NXPE1: variants seen among roughly 807,000 people sequenced by gnomAD.
NXPE1 encodes the protein neurexophilin and PC-esterase domain family member 1, also known as NXPE family member 1.
A neutral mutation model predicts 33.3 loss-of-function variants in NXPE1; 31 were observed. The observed-to-expected ratio is 0.93, with a 90% CI of 0.70 to 1.26. The LOEUF is 1.26. NXPE1 is among the 50% of genes most tolerant of loss of function. NXPE1 has a pLI of 0.00. For missense variants in NXPE1, 661 were observed against 655.6 expected, an observed-to-expected ratio of 1.01 and a Z score of -0.09; for synonymous variants, 229 against 231.4, an observed-to-expected ratio of 0.99 and a Z score of 0.09.
chr11:114,537,182 G>C (rs181035903), intron 5 of NXPE1, among the ~76,000 whole-genome samples: 27 of 152,122 alleles, frequency 1.8e-4, no homozygotes, highest in South Asian at 8.3e-4. Context: ...ACAAAAACCA[G>C]ATGATTATCT....
intron 5 of NXPE1, among the ~76,000 whole-genome samples, chr11:114,548,864 T>C (rs957351451): frequency 6.6e-6 from 1 of 151,728 alleles, no homozygotes; most frequent in African/African-American, 2.4e-5. Context: ...AAACCTGGGT[T>C]TTATTTTGAA....
At chr11:114,544,915 A>G (rs1948221969) in intron 5 of NXPE1, among the ~76,000 whole-genome samples, 1 of 152,200 alleles carries the variant, frequency 6.6e-6, no homozygotes, top group Non-Finnish European at 1.5e-5. Context: ...ATCTGAATGG[A>G]CACCTCACCA....
intron 5 of NXPE1, among the ~76,000 whole-genome samples, chr11:114,538,598 C>T (rs567648212): frequency 3.9e-5 from 6 of 152,272 alleles, no homozygotes; most frequent in African/African-American, 1.4e-4. Flanking sequence ...AAACAAACAA[C>T]CCCATTAAAA....
Position 114,523,106 on chromosome 11 carries a change from A to G in NXPE1, c.896-15T>C, listed in dbSNP as rs781434001. 6.3e-7 allele frequency: 1 copy of G among 1,586,970 alleles called. No individual in the cohort carries two copies. The highest frequency in any genetic ancestry group is 8.6e-7 in the Non-Finnish European group (1 of 1,156,634). On this transcript the variant is annotated splice_polypyrimidine_tract_variant and intron_variant, in intron 7 of 8. Transcript: ENST00000534921. Reference sequence around the variant, plus strand: ...TTTTTCTCTCTCTGGTAACAAAGACACTCGTAAATGATTTTATTGGCAAAA... The same window carrying G: ...TTTTTCTCTCTCTGGTAACAAAGACGCTCGTAAATGATTTTATTGGCAAAA...
exon 9 of NXPE1, chr11:114,522,140 C>T (rs17852630): frequency 6.2e-7 from 1 of 1,613,926 alleles, no homozygotes; most frequent in Non-Finnish European, 8.5e-7. Flanking sequence ...ATGGAAGTCT[C>T]CAAACCTCTC....
intron 5 of NXPE1, among the ~76,000 whole-genome samples, chr11:114,531,240 T>C (rs1226869302): frequency 6.6e-6 from 1 of 152,206 alleles, no homozygotes; most frequent in Non-Finnish European, 1.5e-5. Flanking sequence ...ATCCAAAATA[T>C]ATAGCTCAGA....
intron 5 of NXPE1, among the ~76,000 whole-genome samples, chr11:114,538,305 T>A (rs1261257894): frequency 3.9e-5 from 6 of 152,188 alleles, no homozygotes; most frequent in South Asian, 2.1e-4. Context: ...CTTACATGTT[T>A]GACCTAAAAC....
intron 5 of NXPE1, among the ~76,000 whole-genome samples, chr11:114,535,633 C>A (rs1365881357): frequency 6.6e-6 from 1 of 152,098 alleles, no homozygotes; most frequent in East Asian, 1.9e-4. Flanking sequence ...GATTGCAATC[C>A]TAGTCTCGGA....
intron 5 of NXPE1, among the ~76,000 whole-genome samples, chr11:114,532,087 G>T (rs1220254264): frequency 6.6e-6 from 1 of 152,098 alleles, no homozygotes; most frequent in African/African-American, 2.4e-5. Flanking sequence ...TCACACTTTA[G>T]AACACATATA....
chr11:114,528,798 G>T, intron 6 of NXPE1: 1 of 677,458 alleles, frequency 1.5e-6, no homozygotes, highest in Non-Finnish European at 2.7e-6. Context: ...AGTGGTACCT[G>T]ATTTCCTGCT....
exon 9 of NXPE1, chr11:114,522,306 T>G: frequency 6.2e-7 from 1 of 1,614,090 alleles, no homozygotes. Flanking sequence ...CCAAAGGTGA[T>G]GACGATGGCT....
chr11:114,529,110 C>G (rs1947476491), intron 6 of NXPE1: 3 of 301,046 alleles, frequency 1.0e-5, no homozygotes, highest in Non-Finnish European at 1.8e-5. Context: ...AAAAAAGACT[C>G]TAAACTTGAC....
chr11:114,530,263 G>T, exon 6 of NXPE1: 4 of 1,614,102 alleles, frequency 2.5e-6, no homozygotes, highest in Non-Finnish European at 3.4e-6. Flanking sequence ...CAGGGCATGT[G>T]TTGAGGCTTC....
rs559237250 is a variant in NXPE1 at position 114,523,161 on chromosome 11, T to C, written c.896-70A>G. 1.1e-5 allele frequency: 12 copies of C among 1,118,702 alleles called. No individual in the cohort carries two copies. In the African/African-American group the frequency reaches 1.5e-4, roughly 14 times the overall value. 69.3% of individuals were successfully genotyped at this position (1,118,702 alleles called of 1,614,324 possible). On this transcript the variant is annotated intron_variant, in intron 7 of 8. Transcript: ENST00000534921. ...GACATCTAGCCTTCTTTCCTGGTCT[T>C]TCATTTTCTTGCTCTCTTTCCCCCT...
intron 6 of NXPE1, chr11:114,529,015 G>T: frequency 2.4e-6 from 1 of 409,396 alleles, no homozygotes; most frequent in Non-Finnish European, 4.3e-6. Flanking sequence ...GCCAAAACTT[G>T]GATAATGAGG....
chr11:114,530,251 C>A lies in NXPE1; in HGVS notation c.757G>T (p.Glu253Ter). ...CGGGTGGTCATGTAGGTCAGAGCCTCACAGGGCATGTGTTGAGGCTTCATA... is the reference window on the plus strand; with the variant it reads ...CGGGTGGTCATGTAGGTCAGAGCCTAACAGGGCATGTGTTGAGGCTTCATA... Residue 253 changes from glutamate to a stop codon, truncating the protein, a stop_gained, in exon 6 of 9, where the codon GAG becomes TAG. Coordinates refer to ENST00000534921, the Ensembl canonical transcript of NXPE1. LOFTEE classifies it high-confidence loss of function. 2.5e-6 allele frequency: 4 copies of A among 1,614,138 alleles called. No individual in the cohort carries two copies. Among genetic ancestry groups the A allele is most frequent in the Non-Finnish European group, 3.4e-6 (4 of 1,180,012 alleles).
At chr11:114,552,763 T>C (rs1420206738) in intron 2 of NXPE1, 89 bp downstream of exon 2, 4 of 418,496 alleles carry the variant, frequency 9.6e-6, no homozygotes, top group Non-Finnish European at 1.3e-5. Flanking sequence ...AAAAAAAGTA[T>C]GATTGCTATT....
At chr11:114,543,192 C>T (rs1055170272) in intron 5 of NXPE1, among the ~76,000 whole-genome samples, 1 of 151,908 alleles carries the variant, frequency 6.6e-6, no homozygotes, top group African/African-American at 2.4e-5. Context: ...TCTGTGTTTA[C>T]TAAAAATACA....
At chr11:114,543,162 C>T (rs1275144310) in intron 5 of NXPE1, among the ~76,000 whole-genome samples, 1 of 151,824 alleles carries the variant, frequency 6.6e-6, no homozygotes, top group Non-Finnish European at 1.5e-5. Flanking sequence ...TTGAGGCCAG[C>T]CTGGCCAACA....
Sources: gnomAD v4.1 joint callset for allele counts (sites outside exome capture counted in the v4.1 genomes callset) on GRCh38, gnomAD v4.1.1 for gene constraint, MANE v1.5 for transcripts, NCBI Gene and HGNC (gene_info 2026-07-23, HGNC 2026-07-21) for gene names.